The following PAPPA2 variants were observed in gnomAD, a reference collection of about 807,000 sequenced individuals.
PAPPA2 encodes the protein pappalysin-2.
In PAPPA2, 86 loss-of-function variants were observed where a neutral mutation model predicts 176.4. The observed-to-expected ratio is 0.49, with a 90% CI of 0.41 to 0.58. The LOEUF (loss-of-function observed/expected upper bound fraction) is 0.58. Ranked by LOEUF, PAPPA2 falls within the 20% of genes least tolerant of loss-of-function variation. The probability of loss-of-function intolerance (pLI) is 0.00; values close to 1 mark genes in which losing one functional copy is unlikely to be tolerated. For synonymous variants in PAPPA2, 809 were observed against 852.2 expected (o/e 0.95, Z 0.88); for missense variants, 2,073 against 2,256.9 (o/e 0.92, Z 1.65).
At chr1:176,497,023 A>G (rs569924655) in intron 1 of PAPPA2, among the ~76,000 whole-genome samples, 9 of 152,216 alleles carry the variant, frequency 5.9e-5, no homozygotes, top group African/African-American at 1.9e-4. Flanking sequence ...ACTTACATCT[A>G]TTACAATCCT....
At chr1:176,771,324 A>G (rs1664214849) in intron 17 of PAPPA2, 144 bp downstream of exon 17, 4 of 733,186 alleles carry the variant, frequency 5.5e-6, no homozygotes, top group Admixed American at 4.9e-5. Context: ...CTGTAAATAT[A>G]TTCTCTCCAA....
intron 3 of PAPPA2, among the ~76,000 whole-genome samples, chr1:176,662,604 A>C (rs1332359158): frequency 6.6e-6 from 1 of 150,518 alleles, no homozygotes; most frequent in Non-Finnish European, 1.5e-5. Flanking sequence ...ATTTTATGCT[A>C]TTCCTCCTTC....
intron 1 of PAPPA2, among the ~76,000 whole-genome samples, chr1:176,530,275 C>T (rs184644320): frequency 3.5e-4 from 53 of 152,298 alleles, no homozygotes; most frequent in Middle Eastern, 3.4e-3. Flanking sequence ...GGGCTTTGAC[C>T]TTTGGCTAAA....
intron 2 of PAPPA2, among the ~76,000 whole-genome samples, chr1:176,558,560 T>C (rs1334082524): frequency 6.6e-6 from 1 of 152,074 alleles, no homozygotes; most frequent in Non-Finnish European, 1.5e-5. Flanking sequence ...CTGTATTTTA[T>C]TTTTGGGTGG....
At chr1:176,595,896 G>A (rs569394744) in intron 3 of PAPPA2, among the ~76,000 whole-genome samples, 2 of 152,146 alleles carry the variant, frequency 1.3e-5, no homozygotes, top group Admixed American at 1.3e-4. Context: ...CAGGAAAGCT[G>A]AACAACTTAC....
intron 1 of PAPPA2, among the ~76,000 whole-genome samples, chr1:176,472,091 C>A (rs1035665628): frequency 4.6e-5 from 7 of 152,266 alleles, no homozygotes; most frequent in African/African-American, 1.7e-4. Context: ...CATATTATTT[C>A]TTTTCTACTT....
intron 17 of PAPPA2, among the ~76,000 whole-genome samples, chr1:176,777,081 A>G (rs1035083860): frequency 2.0e-5 from 3 of 152,094 alleles, no homozygotes; most frequent in Admixed American, 6.6e-5. Flanking sequence ...CCTTTCCTGC[A>G]TTTGTAAAAT....
intron 4 of PAPPA2, among the ~76,000 whole-genome samples, chr1:176,673,729 A>G (rs1255731593): frequency 1.3e-5 from 2 of 152,180 alleles, no homozygotes; most frequent in Non-Finnish European, 2.9e-5. Context: ...ATTTATTTGA[A>G]GACATCAGAC....
intron 19 of PAPPA2, 27 bp downstream of exon 19, chr1:176,791,509 C>T: frequency 6.3e-7 from 1 of 1,591,652 alleles, no homozygotes; most frequent in Non-Finnish European, 8.6e-7. Context: ...ATCTTAAAGT[C>T]AATTTCTATG....
rs1303565351 is a variant in PAPPA2 at position 176,466,289 on chromosome 1, T to C, written c.-917+2871T>C. Among the ~76,000 whole-genome samples the C allele has an allele frequency of 2.6e-5, 4 of 152,310 alleles. No individual in the cohort carries two copies. In the East Asian group the frequency reaches 7.7e-4, roughly 29 times the overall value. ...CGGCCAAGCTACTGTGGAAGGATTCTTGTGCTAGGCAAGAGGTTGGACTGA... is the reference window on the plus strand; with the variant it reads ...CGGCCAAGCTACTGTGGAAGGATTCCTGTGCTAGGCAAGAGGTTGGACTGA... On this transcript the variant is annotated intron_variant, in intron 1 of 22. Coordinates refer to ENST00000367662, the MANE Select transcript of PAPPA2 (RefSeq NM_020318.3).
intron 3 of PAPPA2, among the ~76,000 whole-genome samples, chr1:176,650,819 T>C (rs943674954): frequency 9.2e-5 from 14 of 151,742 alleles, no homozygotes; most frequent in African/African-American, 3.1e-4. Flanking sequence ...TATGTGATTT[T>C]CTCTGGTAGA....
intron 3 of PAPPA2, among the ~76,000 whole-genome samples, chr1:176,657,638 C>A (rs1658104615): frequency 6.6e-6 from 1 of 151,874 alleles, no homozygotes; most frequent in South Asian, 2.1e-4. Flanking sequence ...AATAATTTCT[C>A]AGTTTTTAAA....
chr1:176,522,238 A>G (rs1387941017), intron 1 of PAPPA2, among the ~76,000 whole-genome samples: 4 of 152,256 alleles, frequency 2.6e-5, no homozygotes, highest in Middle Eastern at 3.2e-3. Context: ...TATAAGAAGA[A>G]CATTCAAACT....
chr1:176,791,427 AC>A lies in PAPPA2; in HGVS notation c.4971del (p.Ser1658GlnfsTer3). The part of the protein sequence containing the change: ...CENLQGECPP[P>X]PSELNSVEYK... Reference sequence around the variant, plus strand: ...AGAATCTGCAAGGAGAATGCCCACCACCCCCCTCAGAGCTGAATTCTGTGGA... The same window carrying A: ...AGAATCTGCAAGGAGAATGCCCACCACCCCCTCAGAGCTGAATTCTGTGGA... On this transcript the variant is annotated frameshift_variant, in exon 19 of 23. Transcript: ENST00000367662. LOFTEE classifies it high-confidence loss of function. 2 of 1,613,400 alleles carry A rather than the reference AC, an allele frequency of 1.2e-6. No individual in the cohort carries two copies. Among genetic ancestry groups the A allele is most frequent in the Non-Finnish European group, 1.7e-6 (2 of 1,179,666 alleles).
intron 17 of PAPPA2, among the ~76,000 whole-genome samples, chr1:176,781,228 A>G (rs1362583912): frequency 1.3e-5 from 2 of 152,128 alleles, no homozygotes; most frequent in African/African-American, 4.8e-5. Flanking sequence ...GAGACATAAG[A>G]TTTAGAAGAA....
intron 3 of PAPPA2, among the ~76,000 whole-genome samples, chr1:176,625,582 A>G (rs879837359): frequency 1.3e-5 from 2 of 152,234 alleles, no homozygotes; most frequent in African/African-American, 4.8e-5. Flanking sequence ...TGGTGATGCA[A>G]TACATAATTG....
In PAPPA2 at chr1:176,829,290, A is replaced by G. The variant is rs1471488348; in HGVS notation, c.5203-10883A>G. ...AGGGAGAGAATGAGAGAGAATGGGG[A>G]AAAAAAAAAAGATGCTCAGCAAACA... is the stretch of plus-strand genomic sequence containing the variant. On this transcript the variant is annotated intron_variant, in intron 21 of 22. Transcript: ENST00000367662. Among the ~76,000 whole-genome samples, 66 of 123,840 alleles carry G rather than the reference A, an allele frequency of 5.3e-4. 1 individual carries two copies. Among genetic ancestry groups the G allele is most frequent in the Middle Eastern group, 4.1e-3 (1 of 244 alleles). The allele number at this position is 123,840 out of a possible 152,430, so 81.2% of individuals were successfully genotyped here.
At chr1:176,786,983 A>G (rs1437301485) in intron 17 of PAPPA2, among the ~76,000 whole-genome samples, 1 of 152,092 alleles carries the variant, frequency 6.6e-6, no homozygotes, top group Non-Finnish European at 1.5e-5. Flanking sequence ...TACTATGCTT[A>G]TTACCTGGGT....
chr1:176,819,649 G>A (rs750398095), intron 21 of PAPPA2, among the ~76,000 whole-genome samples: 3 of 152,148 alleles, frequency 2.0e-5, no homozygotes, highest in South Asian at 4.1e-4. Context: ...TGTCATCCCC[G>A]TGTGAGAAGT....
Sources: gnomAD v4.1 joint callset for allele counts (sites outside exome capture counted in the v4.1 genomes callset) on GRCh38, gnomAD v4.1.1 for gene constraint, MANE v1.5 for transcripts, NCBI Gene and HGNC (gene_info 2026-07-23, HGNC 2026-07-21) for gene names.